The following PGAP4 variants were observed in gnomAD, a reference collection of about 807,000 sequenced individuals.
PGAP4 encodes the protein post-GPI attachment to proteins GalNAc transferase 4, also known as GPI-N-acetylgalactosamine transferase PGAP4.
A neutral mutation model predicts 28.2 loss-of-function variants in PGAP4; 12 were observed. That is an observed-to-expected ratio of 0.42 (90% CI 0.27 to 0.69). The LOEUF is 0.69. PGAP4 is among the 30% of genes least tolerant of loss of function. The probability of loss-of-function intolerance (pLI) is 0.22; values close to 1 mark genes in which losing one functional copy is unlikely to be tolerated. For missense variants in PGAP4, 425 were observed against 513.5 expected (o/e 0.83, Z 1.67); for synonymous variants, 205 against 211.8 (o/e 0.97, Z 0.28).
chr9:101,487,825 A>C (rs1357895572), upstream of PGAP4, among the ~76,000 whole-genome samples: 3 of 152,200 alleles, frequency 2.0e-5, no homozygotes, highest in Admixed American at 6.5e-5. Context: ...TGAATTCAAA[A>C]TTTGATGATC....
intron 2 of PGAP4, among the ~76,000 whole-genome samples, chr9:101,496,668 A>C (rs1374683065): frequency 6.6e-6 from 1 of 151,340 alleles, no homozygotes; most frequent in Non-Finnish European, 1.5e-5. Context: ...ACATGTTTAG[A>C]CATTTTGGTT....
At chr9:101,479,979 T>A (rs768799544) in intron 1 of PGAP4, 1 of 151,996 alleles carries the variant, frequency 6.6e-6, no homozygotes, top group African/African-American at 2.4e-5. Context: ...CATCATTCAT[T>A]GGCCAAAACA....
chr9:101,499,352 T>C (rs1033815104), intron 2 of PGAP4, among the ~76,000 whole-genome samples: 1 of 151,880 alleles, frequency 6.6e-6, no homozygotes, highest in Admixed American at 6.6e-5. Flanking sequence ...GTGACCTTTT[T>C]CACATCCCAC....
At position 101,515,593 on chromosome 9, in the gene PGAP4, A is replaced by G. The variant is rs1826937529; in HGVS notation, c.-165+15755T>C. On this transcript the variant is annotated intron_variant, in intron 2 of 3. Transcript: ENST00000374851. ...TTTTGCTGAAACCATGCAAAGCTAT[A>G]TTAATAATTAATCAGAAAACTGGGA... is the stretch of plus-strand genomic sequence containing the variant. Among the ~76,000 whole-genome samples the G allele has an allele frequency of 2.0e-5, 3 of 152,186 alleles. No individual in the cohort carries two copies. The South Asian group carries it at 6.2e-4, about 31-fold the overall frequency.
chr9:101,496,076 A>T (rs557706242), intron 2 of PGAP4, among the ~76,000 whole-genome samples: 68 of 151,372 alleles, frequency 4.5e-4, no homozygotes, highest in Non-Finnish European at 8.7e-4. Context: ...CAGCATGGAA[A>T]GTTTTGGTTA....
chr9:101,497,110 A>G (rs908396614), intron 2 of PGAP4, among the ~76,000 whole-genome samples: 8 of 151,032 alleles, frequency 5.3e-5, no homozygotes, highest in Non-Finnish European at 1.0e-4. Flanking sequence ...ACATTTTTCT[A>G]TAACAATTTT....
At chr9:101,482,377 C>A (rs774827499) in intron 1 of PGAP4, among the ~76,000 whole-genome samples, 2 of 152,122 alleles carry the variant, frequency 1.3e-5, no homozygotes, top group African/African-American at 4.8e-5. Context: ...ACCAGGTAGT[C>A]GGAGGTTGCA....
At chr9:101,482,323 G>A (rs943131921) in intron 1 of PGAP4, among the ~76,000 whole-genome samples, 41 of 152,280 alleles carry the variant, frequency 2.7e-4, no homozygotes, top group African/African-American at 9.4e-4. Flanking sequence ...GCACGTGCCT[G>A]TAATCCCAGC....
intron 2 of PGAP4, among the ~76,000 whole-genome samples, chr9:101,529,543 T>C (rs1310050076): frequency 6.6e-6 from 1 of 152,216 alleles, no homozygotes; most frequent in Non-Finnish European, 1.5e-5. Context: ...TTCCATAGAC[T>C]GTTAGGACAC....
At chr9:101,487,785 G>A (rs1300557777), upstream of PGAP4, among the ~76,000 whole-genome samples, 2 of 152,152 alleles carry the variant, frequency 1.3e-5, no homozygotes, top group African/African-American at 4.8e-5. Context: ...GTTAAAAATG[G>A]AAGAATATTT....
upstream of PGAP4, among the ~76,000 whole-genome samples, chr9:101,490,845 T>C (rs1826680992): frequency 1.3e-5 from 2 of 152,206 alleles, no homozygotes; most frequent in African/African-American, 4.8e-5. Context: ...TGTAGTAAGT[T>C]TTTTGCTGTA....
chr9:101,518,755 T>C (rs7846728), intron 2 of PGAP4, among the ~76,000 whole-genome samples: 20,716 of 152,240 alleles, frequency 0.14, 1,570 homozygotes, highest in African/African-American at 0.16. Flanking sequence ...TTTTCAATTG[T>C]GAATTGTGCT....
At position 101,473,872 on chromosome 9, in the gene PGAP4, T is replaced by G. The variant is rs940655051; in HGVS notation, c.*2009A>C. ...AGACAGGTCACTGAGAGAGGAGGAA[T>G]GAAGGAGTGGGATCTGAACATTGTA... On this transcript the variant is annotated 3_prime_UTR_variant, in exon 2 of 2. Coordinates refer to ENST00000374848, the MANE Select transcript of PGAP4 (RefSeq NM_032342.3). 14 of 152,166 alleles carry G rather than the reference T, an allele frequency of 9.2e-5. No individual in the cohort carries two copies. Among genetic ancestry groups the G allele is most frequent in the African/African-American group, 3.4e-4 (14 of 41,408 alleles). The allele number at this position is 152,166 out of a possible 1,614,324, so 9.4% of individuals were successfully genotyped here.
At chr9:101,518,924 C>A (rs1272315304) in intron 2 of PGAP4, among the ~76,000 whole-genome samples, 1 of 152,156 alleles carries the variant, frequency 6.6e-6, no homozygotes, top group African/African-American at 2.4e-5. Context: ...GTTTACATTC[C>A]CACCAGCAGT....
intron 1 of PGAP4, among the ~76,000 whole-genome samples, chr9:101,479,182 C>T (rs957179452): frequency 9.8e-5 from 15 of 152,342 alleles, no homozygotes; most frequent in African/African-American, 2.9e-4. Context: ...CTCTGCTCAG[C>T]GCAATGGAGT....
rs1272587729 is a variant in PGAP4, at chr9:101,476,549, T to C, written c.544A>G (p.Asn182Asp). ...EDDYGDDPST[N>D]SFEKEKQDYV... The stretch of plus-strand genomic sequence containing the variant: ...TCCTGCTTCTCTTTCTCAAACGAGT[T>C]GGTCGAAGGGTCATCACCATAATCA... The change falls in exon 2 of 2, where the codon AAC (asparagine) becomes GAC (aspartate). Residue 182 changes from asparagine (N) to aspartate (D), a missense_variant. Physicochemically the swap from Asn to Asp is conservative, Grantham distance 23 (BLOSUM62 1). Coordinates refer to ENST00000374848, the MANE Select transcript of PGAP4 (RefSeq NM_032342.3). This position sits in a 1 kb window ranked among gnomAD's most constrained non-coding sequence, Gnocchi z 7.0. The C allele has an allele frequency of 1.2e-6, 2 of 1,614,182 alleles. No individual in the cohort carries two copies. Among genetic ancestry groups the C allele is most frequent in the Non-Finnish European group, 1.7e-6 (2 of 1,180,040 alleles).
upstream of PGAP4, among the ~76,000 whole-genome samples, chr9:101,488,912 C>T (rs926813030): frequency 3.9e-5 from 6 of 152,144 alleles, no homozygotes; most frequent in African/African-American, 1.4e-4. Flanking sequence ...AACCAAGTCT[C>T]TGCCTTTAGG....
At chr9:101,509,039 C>A (rs1315346681) in intron 2 of PGAP4, among the ~76,000 whole-genome samples, 3 of 152,184 alleles carry the variant, frequency 2.0e-5, no homozygotes, top group African/African-American at 7.2e-5. Flanking sequence ...CTTTTAAGGC[C>A]ACTGTCACTT....
Position 101,476,252 on chromosome 9 carries a change from T to G in PGAP4, c.841A>C (p.Met281Leu). 2 of 1,614,012 alleles carry G rather than the reference T, an allele frequency of 1.2e-6. No individual in the cohort carries two copies. Among genetic ancestry groups the G allele is most frequent in the Non-Finnish European group, 1.7e-6 (2 of 1,180,000 alleles). Residue 281 changes from methionine (M) to leucine (L), a missense_variant, in exon 2 of 2, where the codon ATG (methionine) becomes CTG (leucine). Physicochemically the swap from Met to Leu is conservative, Grantham distance 15. Coordinates refer to ENST00000374848, the MANE Select transcript of PGAP4 (RefSeq NM_032342.3). The surrounding 1 kb of genome is among the most constrained non-coding windows in gnomAD (Gnocchi z 7.0). ...AACCCTGGGCGGCTGGCAAACCTCA[T>G]GTATATCCAGGTTAGTAAGGGCCCC... is the stretch of plus-strand genomic sequence containing the variant. ...LLGPLLTWIYMRFASRPGFSW... is the reference protein window; with the variant it reads ...LLGPLLTWIYLRFASRPGFSW...
Sources: gnomAD v4.1 joint callset for allele counts (sites outside exome capture counted in the v4.1 genomes callset) on GRCh38, gnomAD v4.1.1 for gene constraint, Gnocchi (gnomAD v3.1) non-coding constraint, MANE v1.5 for transcripts, NCBI Gene and HGNC (gene_info 2026-07-23, HGNC 2026-07-21) for gene names.